The following AFAP1L2 variants were observed in gnomAD, a reference collection of about 807,000 sequenced individuals.
The protein encoded by AFAP1L2 is actin filament-associated protein 1-like 2.
A neutral mutation model predicts 99.3 loss-of-function variants in AFAP1L2; 46 were observed. The observed-to-expected ratio is 0.46, with a 90% CI of 0.37 to 0.59. The LOEUF is 0.59. AFAP1L2 is among the 20% of genes least tolerant of loss of function. The pLI, the probability that AFAP1L2 is intolerant of heterozygous loss-of-function variation, is 0.00. For missense variants in AFAP1L2, 959 were observed against 1,034.9 expected (o/e 0.93, Z 1.01); for synonymous variants, 397 against 419.1 (o/e 0.95, Z 0.64).
intron 7 of AFAP1L2, among the ~76,000 whole-genome samples, chr10:114,312,233 GA>G (rs2043356103): frequency 9.0e-6 from 1 of 110,546 alleles, no homozygotes; most frequent in Admixed American, 1.0e-4. Flanking sequence ...GGCAAGAGCA[GA>G]GTGTGTGTGT....
At chr10:114,283,383 G>A in the AFAP1L2 span, among the ~76,000 whole-genome samples, 4 of 151,910 alleles carry the variant, frequency 2.6e-5, no homozygotes, top group African/African-American at 7.3e-5. Flanking sequence ...GCAGGGTAGC[G>A]AGCAGTTAGA....
At chr10:114,380,598 A>T (rs2055479513) in intron 1 of AFAP1L2, among the ~76,000 whole-genome samples, 1 of 152,222 alleles carries the variant, frequency 6.6e-6, no homozygotes, top group Non-Finnish European at 1.5e-5. Context: ...TTTAAAAAGT[A>T]AGAGTGAGGG....
At chr10:114,379,100 C>T (rs1056642861) in intron 1 of AFAP1L2, among the ~76,000 whole-genome samples, 15 of 152,116 alleles carry the variant, frequency 9.9e-5, no homozygotes, top group Admixed American at 8.5e-4. Context: ...ATAATCCCAG[C>T]TACTCAGGAG....
Position 114,340,728 on chromosome 10 carries a change from AG to A in AFAP1L2, c.19del (p.Leu7TrpfsTer5). 6.2e-7 allele frequency: 1 copy of A among 1,614,194 alleles called. No individual in the cohort carries two copies. Among genetic ancestry groups the A allele is most frequent in the Non-Finnish European group, 8.5e-7 (1 of 1,180,018 alleles). ...ATCCAACTCTGTCAGCAGCTGTTCCAGGGCTAGGGACAGGAAACAGAAGAAA... is the reference window on the plus strand; with the variant it reads ...ATCCAACTCTGTCAGCAGCTGTTCCAGGCTAGGGACAGGAAACAGAAGAAA... MERYKA[L>X]EQLLTELDDF... On this transcript the variant is annotated frameshift_variant and splice_region_variant, in exon 2 of 19. Coordinates refer to ENST00000304129, the MANE Select transcript of AFAP1L2 (RefSeq NM_001001936.3). LOFTEE classifies it high-confidence loss of function.
intron 1 of AFAP1L2, among the ~76,000 whole-genome samples, chr10:114,355,815 T>C (rs147950622): frequency 0.011 from 1,630 of 151,930 alleles, 27 homozygotes; most frequent in African/African-American, 0.037. Context: ...CTACAAAAAA[T>C]ACAAAAAACT....
chr10:114,359,242 T>A (rs1301635420), intron 1 of AFAP1L2, among the ~76,000 whole-genome samples: 1 of 152,226 alleles, frequency 6.6e-6, no homozygotes, highest in Non-Finnish European at 1.5e-5. Context: ...TAGTATAATA[T>A]TTGTTAAGCA....
chr10:114,368,286 G>A (rs1167692303), intron 1 of AFAP1L2, among the ~76,000 whole-genome samples: 4 of 152,184 alleles, frequency 2.6e-5, no homozygotes, highest in African/African-American at 9.6e-5. Flanking sequence ...GTTGCTGGGG[G>A]TGGGGGAAAT....
the AFAP1L2 span, chr10:114,285,053 G>C: frequency 8.6e-7 from 1 of 1,159,734 alleles, no homozygotes; most frequent in South Asian, 1.7e-5. Context: ...CGCCCTTCCA[G>C]CTGCTGGGTA....
chr10:114,404,034 A>G (rs773759931), intron 1 of AFAP1L2, among the ~76,000 whole-genome samples: 4 of 152,058 alleles, frequency 2.6e-5, no homozygotes, highest in Non-Finnish European at 5.9e-5. Flanking sequence ...GAAAGGACTC[A>G]ACAGCCCGAC....
chr10:114,313,968 A>G lies in AFAP1L2; in HGVS notation c.695T>C (p.Val232Ala), dbSNP rs1302425251. The G allele has an allele frequency of 1.2e-6, 2 of 1,613,874 alleles. No homozygotes were observed. The highest frequency in any genetic ancestry group is 1.7e-6 in the Non-Finnish European group (2 of 1,180,006). Residue 232 changes from valine (V) to alanine (A), a missense_variant, in exon 7 of 19, where the codon GTG becomes GCG. Physicochemically the swap from Val to Ala is moderately conservative, Grantham distance 64 (BLOSUM62 0). This residue lies in a region of AFAP1L2 where 383 missense variants were observed against 472.8 expected (regional missense o/e 0.81). Transcript: ENST00000304129. ...GSSVIHKEKQ[V>A]RKKEHKLKIT... ...CTTCAGCTTGTGCTCCTTCTTCCGC[A>G]CTTGCTTCTCCTTGTGAATGACGCT...
At chr10:114,286,306 A>C in the AFAP1L2 span, 89 of 1,611,362 alleles carry the variant, frequency 5.5e-5, no homozygotes, top group Admixed American at 1.5e-3. Flanking sequence ...TCACTGAGTC[A>C]CACTCCGAGG....
chr10:114,393,521 C>T (rs1467264413), intron 1 of AFAP1L2: 1 of 152,212 alleles, frequency 6.6e-6, no homozygotes, highest in East Asian at 1.9e-4. Context: ...ATGCTAAGGG[C>T]TTCATTCATG....
At position 114,295,835 on chromosome 10, in the gene AFAP1L2, A is replaced by G; in HGVS notation, c.*207T>C. The G allele has an allele frequency of 7.1e-7, 1 of 1,400,864 alleles. No homozygotes were observed. The highest frequency in any genetic ancestry group is 9.3e-7 in the Non-Finnish European group (1 of 1,077,520). The allele number at this position is 1,400,864 out of a possible 1,614,324, so 86.8% of individuals were successfully genotyped here. A position where few individuals can be genotyped will look rare whatever the true frequency, so the allele number is the denominator to read the frequency against. On this transcript the variant is annotated 3_prime_UTR_variant, in exon 19 of 19. Transcript: ENST00000304129. ...TTACATCCAATAGACTTAGGTCTCC[A>G]AAGAAGCCTCCTTTTTGTTGTATTA...
chr10:114,289,031 G>A, the AFAP1L2 span: 1 of 1,614,198 alleles, frequency 6.2e-7, no homozygotes, highest in Non-Finnish European at 8.5e-7. Context: ...AGCTTTGTGA[G>A]AAGCTGTGCC....
chr10:114,319,939 C>T (rs1025708339), intron 5 of AFAP1L2, among the ~76,000 whole-genome samples: 26 of 152,182 alleles, frequency 1.7e-4, no homozygotes, highest in Non-Finnish European at 2.9e-5. Flanking sequence ...CCGGCTGGTG[C>T]TGTTAAGAAG....
At chr10:114,291,252 G>A (rs569154908), downstream of AFAP1L2, 28 of 1,549,682 alleles carry the variant, frequency 1.8e-5, no homozygotes, top group South Asian at 1.2e-4. Context: ...CATGGCTCCC[G>A]TGCAGGAGGG....
At chr10:114,363,170 T>C (rs1370559071) in intron 1 of AFAP1L2, 8 of 985,330 alleles carry the variant, frequency 8.1e-6, no homozygotes, top group Non-Finnish European at 9.6e-6. Context: ...GGGAAACGGG[T>C]TCCTGGGAAT....
intron 5 of AFAP1L2, among the ~76,000 whole-genome samples, chr10:114,322,451 G>T (rs753886959): frequency 6.6e-6 from 1 of 152,092 alleles, no homozygotes. Context: ...CTGCCTTGAC[G>T]CTTTTGCAGA....
chr10:114,365,949 T>C (rs528930598), intron 1 of AFAP1L2, among the ~76,000 whole-genome samples: 2 of 152,170 alleles, frequency 1.3e-5, no homozygotes, highest in African/African-American at 4.8e-5. Flanking sequence ...TTGCCCAGGC[T>C]AGTCTCAAAC....
Sources: allele counts gnomAD v4.1 joint callset (sites outside exome capture counted in the v4.1 genomes callset), GRCh38; gene constraint gnomAD v4.1.1; regional missense constraint gnomAD v4.1.1; transcripts MANE v1.5; gene names NCBI Gene and HGNC (gene_info 2026-07-23, HGNC 2026-07-21).